ATP10B: variants seen among roughly 807,000 people sequenced by gnomAD.
ATP10B encodes phospholipid-transporting ATPase VB.
Under a neutral mutation model 141.2 loss-of-function variants are expected in ATP10B, and 122 were observed. The ratio of observed to expected loss-of-function variants is 0.86; its 90% CI spans 0.75 to 1.00. ATP10B has a LOEUF of 1.00. Among genes scored for constraint, ATP10B ranks in the 50% least tolerant of loss-of-function variants. The probability of loss-of-function intolerance (pLI) is 0.00; values close to 1 mark genes in which losing one functional copy is unlikely to be tolerated. For synonymous variants in ATP10B, 685 were observed against 692.0 expected, an observed-to-expected ratio of 0.99 and a Z score of 0.16; for missense variants, 1,876 against 1,825.3, an observed-to-expected ratio of 1.03 and a Z score of -0.51.
chr5:160,773,491 C>T (rs747693995), intron 2 of ATP10B, among the ~76,000 whole-genome samples: 63 of 152,176 alleles, frequency 4.1e-4, no homozygotes, highest in Non-Finnish European at 6.2e-4. Context: ...TGGAATGATA[C>T]TAATACTACT....
intron 3 of ATP10B, among the ~76,000 whole-genome samples, chr5:160,697,437 T>C (rs1320287710): frequency 6.6e-6 from 1 of 152,190 alleles, no homozygotes; most frequent in Non-Finnish European, 1.5e-5. Flanking sequence ...TTGTATGGAA[T>C]CAGTTCTTAT....
intron 2 of ATP10B, among the ~76,000 whole-genome samples, chr5:160,745,706 C>T (rs1320489545): frequency 1.3e-5 from 2 of 152,236 alleles, no homozygotes; most frequent in African/African-American, 2.4e-5. Flanking sequence ...TTGACACATA[C>T]AAGCTCTGTG....
At chr5:160,634,988 T>G (rs1480884028) in intron 11 of ATP10B, among the ~76,000 whole-genome samples, 3 of 152,230 alleles carry the variant, frequency 2.0e-5, no homozygotes, top group African/African-American at 7.2e-5. Context: ...CAATATCTCA[T>G]ATTTACCAAG....
chr5:160,895,318 G>T, the ATP10B span, among the ~76,000 whole-genome samples: 17 of 152,062 alleles, frequency 1.1e-4, no homozygotes, highest in Non-Finnish European at 2.5e-4. Flanking sequence ...CATCTCACCT[G>T]CAAAGACACA....
At chr5:160,763,819 C>A (rs1323435966) in intron 2 of ATP10B, among the ~76,000 whole-genome samples, 2 of 151,776 alleles carry the variant, frequency 1.3e-5, no homozygotes, top group Non-Finnish European at 2.9e-5. Flanking sequence ...GGGAATTTAA[C>A]CAAAAAAAGA....
chr5:160,835,644 A>G (rs1775378393), intron 1 of ATP10B, among the ~76,000 whole-genome samples: 2 of 152,054 alleles, frequency 1.3e-5, no homozygotes, highest in African/African-American at 4.8e-5. Flanking sequence ...AACCAAAGAG[A>G]CTTTTCCTTT....
chr5:160,629,155 G>C (rs1247411574), intron 13 of ATP10B, among the ~76,000 whole-genome samples: 2 of 151,920 alleles, frequency 1.3e-5, no homozygotes, highest in African/African-American at 4.8e-5. Context: ...GTGCCAGATG[G>C]GCAGGTGCAG....
At chr5:160,878,363 A>T in the ATP10B span, among the ~76,000 whole-genome samples, 29 of 151,702 alleles carry the variant, frequency 1.9e-4, no homozygotes, top group African/African-American at 7.0e-4. Context: ...CCTTCCTTAC[A>T]CCTTATACAA....
chr5:160,696,508 AC>A (rs1764371792), intron 3 of ATP10B, among the ~76,000 whole-genome samples: 1 of 152,180 alleles, frequency 6.6e-6, no homozygotes, highest in Non-Finnish European at 1.5e-5. Flanking sequence ...ACTGACAGGA[AC>A]TACTTTTATT....
the ATP10B span, among the ~76,000 whole-genome samples, chr5:160,923,915 T>C: frequency 6.6e-6 from 1 of 152,152 alleles, no homozygotes; most frequent in Non-Finnish European, 1.5e-5. Flanking sequence ...ACAGGATTGG[T>C]GTTCAAAAGG....
At chr5:160,764,653 C>A (rs887026983) in intron 2 of ATP10B, among the ~76,000 whole-genome samples, 9 of 152,124 alleles carry the variant, frequency 5.9e-5, no homozygotes, top group African/African-American at 9.7e-5. Flanking sequence ...AGAACTGGAA[C>A]AAGACAAGAA....
intron 3 of ATP10B, among the ~76,000 whole-genome samples, chr5:160,701,159 T>C (rs957288818): frequency 6.6e-6 from 1 of 152,272 alleles, no homozygotes; most frequent in South Asian, 2.1e-4. Context: ...AAATCAGAAA[T>C]ACTTCGCCAA....
chr5:160,756,939 A>G (rs938624903), intron 2 of ATP10B, among the ~76,000 whole-genome samples: 1 of 152,116 alleles, frequency 6.6e-6, no homozygotes, highest in African/African-American at 2.4e-5. Context: ...TTTAATTGCA[A>G]AGTTTTGATT....
the ATP10B span, among the ~76,000 whole-genome samples, chr5:160,877,838 G>C: frequency 3.0e-5 from 4 of 134,626 alleles, no homozygotes; most frequent in African/African-American, 1.0e-4. Flanking sequence ...GGGACATGAA[G>C]GACCTCTTCA....
At chr5:160,733,641 T>C (rs938902784) in intron 2 of ATP10B, among the ~76,000 whole-genome samples, 29 of 149,822 alleles carry the variant, frequency 1.9e-4, no homozygotes, top group Admixed American at 2.7e-4. Context: ...ATGTAACACA[T>C]ATGTGTAACA....
intron 2 of ATP10B, among the ~76,000 whole-genome samples, chr5:160,759,830 C>A (rs1768898244): frequency 6.6e-6 from 1 of 152,126 alleles, no homozygotes; most frequent in African/African-American, 2.4e-5. Context: ...GAATTTTGTA[C>A]CTATTTTCTT....
At chr5:160,879,538 A>T in the ATP10B span, among the ~76,000 whole-genome samples, 22 of 69,586 alleles carry the variant, frequency 3.2e-4, no homozygotes, top group African/African-American at 8.6e-4. Context: ...AAGTAAAATT[A>T]AAAAAAAAAA....
At chr5:160,590,970 A>C in intron 23 of ATP10B, 89 bp downstream of exon 23, 2 of 1,123,058 alleles carry the variant, frequency 1.8e-6, no homozygotes, top group Admixed American at 4.1e-5. Context: ...TAAAGTGTCC[A>C]GAAGGACACT....
rs371823687 is a variant in ATP10B, at chr5:160,607,062, A to G, written c.2863T>C (p.Cys955Arg). The change falls in exon 19 of 26, where the codon TGT becomes CGT. Residue 955 changes from cysteine to arginine, a missense_variant. Cys to Arg is a radical substitution (Grantham distance 180, BLOSUM62 -3). Transcript: ENST00000327245. ...NQETCESILN[C>R]ALEELKQFRE... ...AATTGCTTTAGCTCTTCCAATGCAC[A>G]ATTGAGGATGGATTCACAGGTCTCC... The G allele has an allele frequency of 1.2e-6, 2 of 1,613,280 alleles. No homozygotes were observed. Among genetic ancestry groups the G allele is most frequent in the African/African-American group, 1.3e-5 (1 of 74,888 alleles).
Sources: gnomAD v4.1 joint callset for allele counts (sites outside exome capture counted in the v4.1 genomes callset) on GRCh38, gnomAD v4.1.1 for gene constraint, MANE v1.5 for transcripts, NCBI Gene and HGNC (gene_info 2026-07-23, HGNC 2026-07-21) for gene names.